LRRIQ1: variants seen among roughly 807,000 people sequenced by gnomAD.
LRRIQ1 encodes the protein leucine rich repeats and IQ motif containing 1.
A neutral mutation model predicts 211.9 loss-of-function variants in LRRIQ1; 210 were observed. The ratio of observed to expected loss-of-function variants is 0.99; its 90% CI spans 0.89 to 1.11. The LOEUF (loss-of-function observed/expected upper bound fraction) is 1.11. Ranked by LOEUF, LRRIQ1 falls within the 50% of genes most tolerant of loss-of-function variation. The probability of loss-of-function intolerance (pLI) is 0.00; values close to 1 mark genes in which losing one functional copy is unlikely to be tolerated. For synonymous variants in LRRIQ1, 699 were observed against 650.1 expected (o/e 1.08, Z -1.14); for missense variants, 2,136 against 1,939.5 (o/e 1.10, Z -1.90).
intron 19 of LRRIQ1, among the ~76,000 whole-genome samples, chr12:85,146,065 G>T (rs1476443567): frequency 6.6e-6 from 1 of 151,666 alleles, no homozygotes; most frequent in Non-Finnish European, 1.5e-5. Flanking sequence ...AATAGTCCAG[G>T]TGTTTTCTCC....
rs553464287 is a variant in LRRIQ1, at chr12:85,098,751, A to G, written c.3082-116A>G. 8.2e-4 allele frequency: 618 copies of G among 749,824 alleles called. 2 individuals carry two copies. The highest frequency in any genetic ancestry group is 1.9e-3 in the South Asian group (69 of 37,064). The allele number at this position is 749,824 out of a possible 1,614,324, so 46.4% of individuals were successfully genotyped here. ...TTTAAAAAGTCTTATACCTTATGAT[A>G]TGCACTTTATCAGAATCTATCTGTT... On this transcript the variant is annotated intron_variant, in intron 12 of 26. Coordinates refer to ENST00000393217, the MANE Select transcript of LRRIQ1 (RefSeq NM_001079910.2).
intron 10 of LRRIQ1, among the ~76,000 whole-genome samples, chr12:85,072,310 A>G (rs1883170786): frequency 6.6e-6 from 1 of 151,554 alleles, no homozygotes; most frequent in South Asian, 2.1e-4. Context: ...CTGTTTTTGG[A>G]ACTTATTTTG....
At chr12:85,156,009 GA>G (rs1273093865) in intron 23 of LRRIQ1, among the ~76,000 whole-genome samples, 1 of 151,566 alleles carries the variant, frequency 6.6e-6, no homozygotes, top group Non-Finnish European at 1.5e-5. Flanking sequence ...GGTAACAAAT[GA>G]AAGAAAGTAA....
chr12:85,055,809 T>TA lies in LRRIQ1; in HGVS notation c.1017dup (p.Glu340ArgfsTer26), dbSNP rs1227432147. The TA allele has an allele frequency of 6.3e-7, 1 of 1,590,662 alleles. No individual in the cohort carries two copies. The highest frequency in any genetic ancestry group is 1.8e-5 in the Admixed American group (1 of 56,976). ...AAGGAGGAAGAAAATCGAAAAAGAT[T>TA]AGAGGAGGAACAAAGGATAAAAGAA... On this transcript the variant is annotated frameshift_variant, in exon 8 of 27. Coordinates refer to ENST00000393217, the MANE Select transcript of LRRIQ1 (RefSeq NM_001079910.2). LOFTEE classifies it high-confidence loss of function.
At chr12:85,199,277 G>C (rs935436975) in intron 24 of LRRIQ1, among the ~76,000 whole-genome samples, 1 of 152,046 alleles carries the variant, frequency 6.6e-6, no homozygotes, top group Non-Finnish European at 1.5e-5. Context: ...TCCATCTTGA[G>C]TTGATTTTGT....
intron 13 of LRRIQ1, among the ~76,000 whole-genome samples, chr12:85,102,125 A>C (rs988011325): frequency 1.3e-5 from 2 of 151,574 alleles, no homozygotes; most frequent in African/African-American, 4.8e-5. Flanking sequence ...TTTTTACTTG[A>C]ATTATATTTA....
intron 15 of LRRIQ1, among the ~76,000 whole-genome samples, chr12:85,112,176 G>C (rs866314845): frequency 1.4e-4 from 21 of 151,788 alleles, no homozygotes; most frequent in Non-Finnish European, 2.4e-4. Flanking sequence ...TTATATCCTT[G>C]GATAGGACAT....
At chr12:85,183,004 G>A (rs1892058467) in intron 24 of LRRIQ1, among the ~76,000 whole-genome samples, 1 of 152,142 alleles carries the variant, frequency 6.6e-6, no homozygotes, top group South Asian at 2.1e-4. Flanking sequence ...GCCTTCCAGT[G>A]CACGCACTCC....
chr12:85,244,698 C>T (rs1350523645), intron 26 of LRRIQ1, 91 bp from the exon 27 acceptor site: 21 of 1,092,832 alleles, frequency 1.9e-5, no homozygotes, highest in Non-Finnish European at 2.9e-5. Flanking sequence ...TTTGACAGAG[C>T]CTGTTTGTTT....
intron 23 of LRRIQ1, among the ~76,000 whole-genome samples, chr12:85,155,996 CAG>C (rs746905751): frequency 3.1e-4 from 47 of 151,692 alleles, no homozygotes; most frequent in Non-Finnish European, 5.6e-4. Flanking sequence ...GGGGGCATGA[CAG>C]GGTAACAAAT....
At chr12:85,170,094 G>A (rs1188734699) in intron 24 of LRRIQ1, among the ~76,000 whole-genome samples, 2 of 151,950 alleles carry the variant, frequency 1.3e-5, no homozygotes, top group African/African-American at 4.8e-5. Context: ...GTTTATATCT[G>A]GATAAGGTAG....
intron 11 of LRRIQ1, among the ~76,000 whole-genome samples, chr12:85,082,820 T>C (rs1254610645): frequency 6.6e-6 from 1 of 152,228 alleles, no homozygotes; most frequent in African/African-American, 2.4e-5. Context: ...TATTGTCATC[T>C]TTTTATTTGC....
chr12:85,124,071 G>T lies in LRRIQ1; in HGVS notation c.3559G>T (p.Asp1187Tyr). The T allele has an allele frequency of 1.3e-6, 2 of 1,594,982 alleles. No homozygotes were observed. The highest frequency in any genetic ancestry group is 1.7e-6 in the Non-Finnish European group (2 of 1,163,672). ...LIENYITGKG[D>Y]VFTLDTAENL... The stretch of plus-strand genomic sequence containing the variant: ...TGTTCTCATCATTTATTTGTTCAGA[G>T]ATGTATTTACCTTGGATACTGCAGA... The change falls in exon 17 of 27, where the codon GAT becomes TAT. Residue 1187 changes from aspartate (D) to tyrosine (Y), a missense_variant and splice_region_variant. Asp to Tyr is a radical substitution (Grantham distance 160). Transcript: ENST00000393217.
Position 85,222,882 on chromosome 12 carries a change from C to T in LRRIQ1, c.4823-6635C>T, listed in dbSNP as rs150489295. Among the ~76,000 whole-genome samples, 684 of 152,190 alleles carry T rather than the reference C, an allele frequency of 4.5e-3. 1 individual carries two copies. The highest frequency in any genetic ancestry group is 7.3e-3 in the Non-Finnish European group (494 of 68,002). On this transcript the variant is annotated intron_variant, in intron 24 of 26. Coordinates refer to ENST00000393217, the MANE Select transcript of LRRIQ1 (RefSeq NM_001079910.2). The stretch of plus-strand genomic sequence containing the variant: ...ATATATCACCACATATAGGACTGCT[C>T]ACTCACGTTCAGAATGGGGCCTGAA...
intron 19 of LRRIQ1, among the ~76,000 whole-genome samples, chr12:85,138,626 TC>T (rs1889312756): frequency 6.6e-6 from 1 of 151,446 alleles, no homozygotes; most frequent in African/African-American, 2.4e-5. Flanking sequence ...CAGTTATAAA[TC>T]CCCTGCCTTA....
intron 15 of LRRIQ1, among the ~76,000 whole-genome samples, chr12:85,107,368 A>T (rs1308938042): frequency 6.6e-6 from 1 of 152,070 alleles, no homozygotes; most frequent in Non-Finnish European, 1.5e-5. Context: ...TAGTATTTTA[A>T]AAACATCTCT....
intron 24 of LRRIQ1, among the ~76,000 whole-genome samples, chr12:85,228,186 C>T (rs919428980): frequency 6.6e-6 from 1 of 152,194 alleles, no homozygotes; most frequent in Non-Finnish European, 1.5e-5. Flanking sequence ...TCTAATTAAA[C>T]TAAACAGCTT....
intron 4 of LRRIQ1, 97 bp downstream of exon 4, chr12:85,044,906 A>C (rs763594209): frequency 6.5e-5 from 31 of 475,728 alleles, no homozygotes; most frequent in Non-Finnish European, 1.1e-4. Flanking sequence ...AAGTTCACTG[A>C]TTTAAATATT....
chr12:85,085,933 ACTTTC>A (rs1044195008), intron 11 of LRRIQ1, among the ~76,000 whole-genome samples: 2 of 152,182 alleles, frequency 1.3e-5, no homozygotes, highest in African/African-American at 4.8e-5. Flanking sequence ...GGAATGATTT[ACTTTC>A]CTTTAACTAT....
Sources: gnomAD v4.1 joint callset for allele counts (sites outside exome capture counted in the v4.1 genomes callset) on GRCh38, gnomAD v4.1.1 for gene constraint, MANE v1.5 for transcripts, NCBI Gene and HGNC (gene_info 2026-07-23, HGNC 2026-07-21) for gene names.